The following RAD51B variants were observed in gnomAD, a reference collection of about 807,000 sequenced individuals.
The protein encoded by RAD51B is DNA repair protein RAD51 homolog 2.
Under a neutral mutation model 42.2 loss-of-function variants are expected in RAD51B, and 38 were observed. That is an observed-to-expected ratio of 0.90 (90% CI 0.70 to 1.18). The LOEUF (loss-of-function observed/expected upper bound fraction) is 1.18. Among genes scored for constraint, RAD51B ranks in the 50% most tolerant of loss-of-function variants. The pLI, the probability that RAD51B is intolerant of heterozygous loss-of-function variation, is 0.00. For missense variants in RAD51B, 373 were observed against 400.7 expected, an observed-to-expected ratio of 0.93 and a Z score of 0.59; for synonymous variants, 154 against 145.2, an observed-to-expected ratio of 1.06 and a Z score of -0.43.
chr14:68,211,531 T>G (rs1361711396), intron 7 of RAD51B, among the ~76,000 whole-genome samples: 1 of 152,208 alleles, frequency 6.6e-6, no homozygotes, highest in African/African-American at 2.4e-5. Flanking sequence ...CTTTCTTAAA[T>G]GAATTAAAGG....
chr14:68,095,934 C>G lies in RAD51B; in HGVS notation c.757-195950C>G, dbSNP rs567159933. ...GAGCTTGCATGAGCCAAGATCGTGC[C>G]TCTCTCCAGCCTGGGTGACAGAGTG... On this transcript the variant is annotated intron_variant, in intron 7 of 10. Transcript: ENST00000471583. Among the ~76,000 whole-genome samples, 3 of 144,012 alleles carry G rather than the reference C, an allele frequency of 2.1e-5. No homozygotes were observed. In the East Asian group the frequency reaches 6.1e-4, roughly 29 times the overall value. The allele number at this position is 144,012 out of a possible 152,430, so 94.5% of individuals were successfully genotyped here.
chr14:68,310,844 C>G (rs1271847608), intron 8 of RAD51B, among the ~76,000 whole-genome samples: 1 of 152,038 alleles, frequency 6.6e-6, no homozygotes, highest in East Asian at 1.9e-4. Flanking sequence ...GACTCCATCT[C>G]AAAAAATTAA....
intron 11 of RAD51B, among the ~76,000 whole-genome samples, chr14:68,678,875 C>A (rs896854261): frequency 4.6e-5 from 7 of 152,068 alleles, no homozygotes; most frequent in African/African-American, 1.7e-4. Flanking sequence ...GAGCCCTTTA[C>A]GAAATTTTAA....
rs770089627 is a variant in RAD51B, at chr14:68,263,093, A to C, written c.757-28791A>C. Among the ~76,000 whole-genome samples, 5 of 152,294 alleles carry C rather than the reference A, an allele frequency of 3.3e-5. No homozygotes were observed. The South Asian group carries it at 1.0e-3, about 32-fold the overall frequency. On this transcript the variant is annotated intron_variant, in intron 7 of 10. Coordinates refer to ENST00000471583, the MANE Select transcript of RAD51B (RefSeq NM_133510.4). ...TGTTCGTCTTTTGAGCAAGTCTTTT[A>C]GCCTCAGTTTCCTCCTTTGCATCAG...
chr14:68,531,034 A>T (rs1385409739), intron 10 of RAD51B, among the ~76,000 whole-genome samples: 1 of 152,094 alleles, frequency 6.6e-6, no homozygotes, highest in African/African-American at 2.4e-5. Flanking sequence ...TATATAATTA[A>T]ATGTGTATGG....
intron 7 of RAD51B, among the ~76,000 whole-genome samples, chr14:68,066,243 T>G (rs2076648076): frequency 6.6e-6 from 1 of 152,130 alleles, no homozygotes. Context: ...GTAAAGAACA[T>G]GATTTCATAT....
chr14:68,340,782 T>C (rs535106202), intron 8 of RAD51B, among the ~76,000 whole-genome samples: 1 of 152,344 alleles, frequency 6.6e-6, no homozygotes, highest in Non-Finnish European at 1.5e-5. Flanking sequence ...TCTTGCATAT[T>C]TGGGATATCC....
intron 8 of RAD51B, among the ~76,000 whole-genome samples, chr14:68,400,300 C>T (rs1361226576): frequency 6.6e-6 from 1 of 152,188 alleles, no homozygotes; most frequent in Non-Finnish European, 1.5e-5. Flanking sequence ...GAATCTTACC[C>T]AGAAAGAGTG....
chr14:68,208,680 TA>T (rs933767617), intron 7 of RAD51B, among the ~76,000 whole-genome samples: 2 of 152,170 alleles, frequency 1.3e-5, no homozygotes, highest in African/African-American at 4.8e-5. Flanking sequence ...CTCAGAGAGA[TA>T]AAATGTGTCC....
chr14:68,390,961 A>G (rs149762674), intron 8 of RAD51B, among the ~76,000 whole-genome samples: 1 of 152,214 alleles, frequency 6.6e-6, no homozygotes. Context: ...GAGAGTATTG[A>G]TTCATTCTTT....
At chr14:68,468,894 C>A (rs901160462) in intron 10 of RAD51B, among the ~76,000 whole-genome samples, 1 of 152,208 alleles carries the variant, frequency 6.6e-6, no homozygotes, top group Non-Finnish European at 1.5e-5. Context: ...AATGGTGATT[C>A]ATTCTCAGAT....
chr14:67,827,257 A>T (rs776508150), intron 3 of RAD51B, among the ~76,000 whole-genome samples: 1 of 152,174 alleles, frequency 6.6e-6, no homozygotes. Flanking sequence ...TGTCATTCTA[A>T]TTAGTCAATA....
chr14:67,984,153 G>T (rs2075143793), intron 7 of RAD51B, among the ~76,000 whole-genome samples: 1 of 152,018 alleles, frequency 6.6e-6, no homozygotes, highest in African/African-American at 2.4e-5. Flanking sequence ...TGGCCAGGCT[G>T]GTCTCGATCT....
intron 5 of RAD51B, among the ~76,000 whole-genome samples, chr14:67,873,029 G>A (rs1220104328): frequency 6.6e-6 from 1 of 152,124 alleles, no homozygotes; most frequent in South Asian, 2.1e-4. Flanking sequence ...ATAGGCATGG[G>A]CAAGGACTTC....
intron 8 of RAD51B, among the ~76,000 whole-genome samples, chr14:68,319,645 A>G (rs1037607594): frequency 5.9e-5 from 9 of 152,200 alleles, no homozygotes; most frequent in Admixed American, 5.9e-4. Flanking sequence ...TACCTTGTAG[A>G]TCACCTGGAT....
chr14:68,014,479 G>A (rs1293143930), intron 7 of RAD51B, among the ~76,000 whole-genome samples: 1 of 152,040 alleles, frequency 6.6e-6, no homozygotes, highest in African/African-American at 2.4e-5. Context: ...GCAAGTACAA[G>A]TTACCAGATA....
At chr14:68,095,472 A>G (rs1353687887) in intron 7 of RAD51B, among the ~76,000 whole-genome samples, 1 of 152,122 alleles carries the variant, frequency 6.6e-6, no homozygotes, top group Non-Finnish European at 1.5e-5. Context: ...ATGAAAAAAA[A>G]AGAAGTCTTT....
rs78875098 is a variant in RAD51B at position 68,110,249 on chromosome 14, A to G, written c.757-181635A>G. The stretch of plus-strand genomic sequence containing the variant: ...GGCATTCAAGATCCTAGGGGATTTG[A>G]AACTCAGAGAATGGTACAGTGAACA... On this transcript the variant is annotated intron_variant, in intron 7 of 10. Coordinates refer to ENST00000471583, the MANE Select transcript of RAD51B (RefSeq NM_133510.4). Among the ~76,000 whole-genome samples, 207 of 152,094 alleles carry G rather than the reference A, an allele frequency of 1.4e-3. 3 individuals carry two copies. In the East Asian group the frequency reaches 0.036, roughly 27 times the overall value.
At chr14:68,180,215 A>G (rs112931761) in intron 7 of RAD51B, among the ~76,000 whole-genome samples, 5 of 152,284 alleles carry the variant, frequency 3.3e-5, no homozygotes, top group African/African-American at 1.2e-4. Flanking sequence ...ACGTGTTTAG[A>G]ATGTCTAGTT....
Sources: gnomAD v4.1 joint callset for allele counts (sites outside exome capture counted in the v4.1 genomes callset) on GRCh38, gnomAD v4.1.1 for gene constraint, MANE v1.5 for transcripts, NCBI Gene and HGNC (gene_info 2026-07-23, HGNC 2026-07-21) for gene names.